Variants in TFCP2 observed in about 807,000 individuals in gnomAD.
The protein encoded by TFCP2 is alpha-globin transcription factor CP2.
TFCP2 carries 33 observed loss-of-function variants against 73.4 expected under a neutral mutation model. The ratio of observed to expected loss-of-function variants is 0.45; its 90% CI spans 0.34 to 0.60. The LOEUF is 0.60. Ranked by LOEUF, TFCP2 falls within the 20% of genes least tolerant of loss-of-function variation. The pLI is 0.01. For synonymous variants in TFCP2, 193 were observed against 211.6 expected, an observed-to-expected ratio of 0.91 and a Z score of 0.76; for missense variants, 352 against 604.0, an observed-to-expected ratio of 0.58 and a Z score of 4.37.
chr12:51,105,003 C>T (rs1241678515), intron 8 of TFCP2, among the ~76,000 whole-genome samples: 3 of 151,844 alleles, frequency 2.0e-5, no homozygotes, highest in Non-Finnish European at 4.4e-5. Flanking sequence ...TGAGCCACCG[C>T]GCCCGGCAAA....
chr12:51,114,187 A>G (rs1270631829), intron 4 of TFCP2, among the ~76,000 whole-genome samples: 2 of 152,242 alleles, frequency 1.3e-5, no homozygotes, highest in Admixed American at 1.3e-4. Flanking sequence ...TGCATGTGAT[A>G]TATCTGCTAT....
chr12:51,152,594 C>T (rs570009856), intron 1 of TFCP2, among the ~76,000 whole-genome samples: 2 of 152,306 alleles, frequency 1.3e-5, no homozygotes, highest in East Asian at 1.9e-4. Flanking sequence ...TGGGGCGCCA[C>T]ATCTGCCTTT....
intron 4 of TFCP2, among the ~76,000 whole-genome samples, chr12:51,114,253 A>T (rs1395688419): frequency 6.6e-6 from 1 of 152,196 alleles, no homozygotes; most frequent in Non-Finnish European, 1.5e-5. Context: ...CAAAAAAAAC[A>T]AAACAATCCA....
Position 51,132,357 on chromosome 12 carries a change from C to CTTTTTTTTTTTT in TFCP2, c.123-13597_123-13586dup, listed in dbSNP as rs869123355. Among the ~76,000 whole-genome samples the CTTTTTTTTTTTT allele has an allele frequency of 2.9e-3, 179 of 61,784 alleles. 63 individuals carry two copies. The highest frequency in any genetic ancestry group is 4.4e-3 in the Admixed American group (16 of 3,672). The allele number at this position is 61,784 out of a possible 152,430, so 40.5% of individuals were successfully genotyped here. On this transcript the variant is annotated intron_variant, in intron 1 of 14. Transcript: ENST00000257915. Reference sequence around the variant, plus strand: ...TGCAAGTTCTGGTTTAGGGATTAGTCTTTTTTTTTTTTTTTTTTTTTTTTT... The same window carrying CTTTTTTTTTTTT: ...TGCAAGTTCTGGTTTAGGGATTAGTCTTTTTTTTTTTTTTTTTTTTTTTTTTTTTTTTTTTTT...
intron 1 of TFCP2, among the ~76,000 whole-genome samples, chr12:51,159,490 C>T (rs1014365105): frequency 6.6e-6 from 1 of 151,826 alleles, no homozygotes; most frequent in Non-Finnish European, 1.5e-5. Flanking sequence ...AGGCGCCCAC[C>T]ACCATGCCCA....
At chr12:51,151,564 G>T (rs978519678) in intron 1 of TFCP2, among the ~76,000 whole-genome samples, 2 of 152,118 alleles carry the variant, frequency 1.3e-5, no homozygotes, top group Non-Finnish European at 2.9e-5. Context: ...AGCCTCTCAA[G>T]TAGCTAGGAC....
intron 1 of TFCP2, among the ~76,000 whole-genome samples, chr12:51,134,837 C>T (rs1941025363): frequency 6.6e-6 from 1 of 152,210 alleles, no homozygotes; most frequent in Admixed American, 6.5e-5. Context: ...AGGTTGGGCA[C>T]TGTGCCTCAT....
At chr12:51,111,349 T>C (rs968451346) in intron 4 of TFCP2, among the ~76,000 whole-genome samples, 1 of 152,048 alleles carries the variant, frequency 6.6e-6, no homozygotes, top group African/African-American at 2.4e-5. Flanking sequence ...TTTCACCATG[T>C]TGGCCATGCT....
intron 12 of TFCP2, 110 bp from the exon 13 acceptor site, chr12:51,099,028 C>G: frequency 1.6e-6 from 2 of 1,216,246 alleles, no homozygotes; most frequent in Non-Finnish European, 2.3e-6. Context: ...ATCACACTGC[C>G]TAAGTTCAAA....
At chr12:51,116,939 T>C (rs1257159491) in intron 3 of TFCP2, among the ~76,000 whole-genome samples, 3 of 152,186 alleles carry the variant, frequency 2.0e-5, no homozygotes, top group East Asian at 3.8e-4. Context: ...AGAATCTTTA[T>C]AGTTAACTGG....
At chr12:51,139,431 C>T (rs913385093) in intron 1 of TFCP2, among the ~76,000 whole-genome samples, 2 of 152,078 alleles carry the variant, frequency 1.3e-5, no homozygotes, top group Non-Finnish European at 2.9e-5. Flanking sequence ...AGAGCAGTGG[C>T]GTGATCATAG....
chr12:51,100,077 G>A (rs760953103), intron 11 of TFCP2, among the ~76,000 whole-genome samples: 13 of 151,948 alleles, frequency 8.6e-5, no homozygotes, highest in Non-Finnish European at 1.8e-4. Flanking sequence ...ACAATCAGCC[G>A]TTCTTCTTAC....
intron 1 of TFCP2, among the ~76,000 whole-genome samples, chr12:51,143,821 GAAAC>G (rs1941236729): frequency 6.6e-6 from 1 of 152,038 alleles, no homozygotes; most frequent in Non-Finnish European, 1.5e-5. Flanking sequence ...GTCCAGGTAA[GAAAC>G]AATGAGAATT....
rs1394312605 is a variant in TFCP2, at chr12:51,096,315, C to T, written c.1420-275G>A. Among the ~76,000 whole-genome samples the T allele has an allele frequency of 3.3e-5, 5 of 152,200 alleles. No individual in the cohort carries two copies. The South Asian group carries it at 6.2e-4, about 19-fold the overall frequency. On this transcript the variant is annotated intron_variant, in intron 13 of 14. Transcript: ENST00000257915. ...ACCCCAAGACTCTCCAAGGAGCACA[C>T]GGACACAAATATGTGCATACAGGAG...
chr12:51,146,241 G>A (rs1941297770), intron 1 of TFCP2, among the ~76,000 whole-genome samples: 1 of 151,844 alleles, frequency 6.6e-6, no homozygotes, highest in Non-Finnish European at 1.5e-5. Context: ...CCAGTAGTTT[G>A]AGGCTGCAGT....
chr12:51,142,569 A>G (rs951892547), intron 1 of TFCP2, among the ~76,000 whole-genome samples: 1 of 152,164 alleles, frequency 6.6e-6, no homozygotes, highest in East Asian at 1.9e-4. Context: ...TTACCCACAG[A>G]CTTGGATCCC....
chr12:51,155,206 C>T (rs1284402663), intron 1 of TFCP2, among the ~76,000 whole-genome samples: 1 of 152,194 alleles, frequency 6.6e-6, no homozygotes, highest in Non-Finnish European at 1.5e-5. Flanking sequence ...CCTTCAGCCT[C>T]GGTCTGAGAG....
At chr12:51,154,046 AT>A (rs61267523) in intron 1 of TFCP2, among the ~76,000 whole-genome samples, 140,549 of 152,274 alleles carry the variant, frequency 0.92, 65,167 homozygotes, top group Non-Finnish European at 0.97. Flanking sequence ...TGTTACTTTG[AT>A]TTTTTTACTA....
intron 1 of TFCP2, among the ~76,000 whole-genome samples, chr12:51,135,840 C>T (rs556214244): frequency 2.8e-4 from 42 of 151,758 alleles, no homozygotes; most frequent in African/African-American, 9.7e-4. Context: ...GAATTTGTTC[C>T]GGTCTACACA....
Sources: gnomAD v4.1 joint callset for allele counts (sites outside exome capture counted in the v4.1 genomes callset) on GRCh38, gnomAD v4.1.1 for gene constraint, MANE v1.5 for transcripts, NCBI Gene and HGNC (gene_info 2026-07-23, HGNC 2026-07-21) for gene names.